Variants in RBM20 observed in about 807,000 individuals in gnomAD.
RBM20 encodes RNA binding motif protein 20.
RBM20 carries 51 observed loss-of-function variants against 110.1 expected under a neutral mutation model. That is an observed-to-expected ratio of 0.46 (90% CI 0.37 to 0.59). The LOEUF (loss-of-function observed/expected upper bound fraction) is 0.59, where lower values mean the gene tolerates loss of function less well. RBM20 is among the 20% of genes least tolerant of loss of function. The probability of loss-of-function intolerance (pLI) is 0.00; values close to 1 mark genes in which losing one functional copy is unlikely to be tolerated. For synonymous variants in RBM20, 589 were observed against 618.2 expected (o/e 0.95, Z 0.70); for missense variants, 1,512 against 1,574.9 (o/e 0.96, Z 0.68).
intron 1 of RBM20, among the ~76,000 whole-genome samples, chr10:110,735,253 C>A (rs1843658930): frequency 6.6e-6 from 1 of 152,132 alleles, no homozygotes; most frequent in African/African-American, 2.4e-5. Flanking sequence ...GAATTTGGTA[C>A]TATCCAAGGT....
intron 1 of RBM20, among the ~76,000 whole-genome samples, chr10:110,711,182 T>G (rs999523880): frequency 3.7e-5 from 3 of 81,680 alleles, no homozygotes; most frequent in African/African-American, 1.2e-4. Flanking sequence ...ATACAAAAAT[T>G]AGCTGGGCGT....
chr10:110,746,046 G>C (rs142486390), intron 1 of RBM20, among the ~76,000 whole-genome samples: 1 of 152,274 alleles, frequency 6.6e-6, no homozygotes, highest in Non-Finnish European at 1.5e-5. Flanking sequence ...GCCTTCAGCT[G>C]TTCTTGCCTG....
At chr10:110,702,115 CTCT>C (rs3027993) in intron 1 of RBM20, among the ~76,000 whole-genome samples, 26,781 of 152,202 alleles carry the variant, frequency 0.18, 2,496 homozygotes, top group East Asian at 0.32. Flanking sequence ...ATGTGCCCAC[CTCT>C]TCTTTCTGTT....
intron 1 of RBM20, among the ~76,000 whole-genome samples, chr10:110,665,887 G>A (rs1862168043): frequency 6.6e-6 from 1 of 151,650 alleles, no homozygotes; most frequent in African/African-American, 2.4e-5. Context: ...AGGCCAAGAT[G>A]GGCAGATCAC....
At chr10:110,813,289 T>C (rs1230919066) in intron 9 of RBM20, among the ~76,000 whole-genome samples, 2 of 152,182 alleles carry the variant, frequency 1.3e-5, no homozygotes, top group African/African-American at 4.8e-5. Context: ...TTGCCTTTAC[T>C]AGAAGTTAGG....
At chr10:110,796,512 G>T (rs1208814690) in intron 5 of RBM20, among the ~76,000 whole-genome samples, 1 of 152,164 alleles carries the variant, frequency 6.6e-6, no homozygotes, top group Non-Finnish European at 1.5e-5. Context: ...ATATCACCAA[G>T]GTGAGAGAAT....
chr10:110,835,340 T>TTTTTTTTTTTTC (rs1845111511), intron 13 of RBM20: 3 of 21,764 alleles, frequency 1.4e-4, no homozygotes, highest in Non-Finnish European at 5.1e-4. Context: ...TTTTTTTTTC[T>TTTTTTTTTTTTC]TTTTTTTTTT....
intron 1 of RBM20, among the ~76,000 whole-genome samples, chr10:110,767,691 G>C (rs1242178452): frequency 6.6e-6 from 1 of 152,036 alleles, no homozygotes; most frequent in Admixed American, 6.5e-5. Context: ...ATCCCAGACG[G>C]GGTGGCGGGG....
intron 4 of RBM20, 136 bp downstream of exon 4, chr10:110,784,568 C>A: frequency 1.3e-6 from 1 of 747,574 alleles, no homozygotes. Context: ...GATCCCAAGA[C>A]ACTAAAATGC....
intron 1 of RBM20, among the ~76,000 whole-genome samples, chr10:110,679,973 GC>G (rs1862398907): frequency 6.6e-6 from 1 of 152,340 alleles, no homozygotes; most frequent in East Asian, 1.9e-4. Flanking sequence ...GACTGACACT[GC>G]CCCTTTTAAC....
chr10:110,662,054 T>C (rs947232415), intron 1 of RBM20, among the ~76,000 whole-genome samples: 6 of 151,682 alleles, frequency 4.0e-5, no homozygotes, highest in African/African-American at 7.3e-5. Flanking sequence ...AGAGTCTATA[T>C]GCTGTCTAAT....
intron 7 of RBM20, among the ~76,000 whole-genome samples, chr10:110,803,482 C>A (rs1160692000): frequency 6.6e-6 from 1 of 152,134 alleles, no homozygotes; most frequent in Non-Finnish European, 1.5e-5. Flanking sequence ...CACTTTGATT[C>A]AGCATATCTA....
chr10:110,797,767 C>T (rs1844571006), intron 6 of RBM20, 119 bp downstream of exon 6: 1 of 1,068,332 alleles, frequency 9.4e-7, no homozygotes, highest in Admixed American at 2.5e-5. Context: ...CGTAGCTGGC[C>T]TTCTGTTGGC....
intron 1 of RBM20, among the ~76,000 whole-genome samples, chr10:110,654,735 AG>A (rs1223206323): frequency 2.0e-5 from 3 of 152,138 alleles, no homozygotes; most frequent in Non-Finnish European, 4.4e-5. Context: ...TGGGTGAAAA[AG>A]GTGGTGTGGA....
rs542578145 is a variant in RBM20, at chr10:110,780,525, A to G, written c.192-276A>G. On this transcript the variant is annotated intron_variant, in intron 1 of 13. Transcript: ENST00000369519. ...CGGAGTGCCATTTTAAAAAATTGCT[A>G]TTTTGCTAGGCAAATATTTGTTTTG... 5.3e-5 allele frequency among the ~76,000 whole-genome samples: 8 copies of G among 151,478 alleles called. No homozygotes were observed. In the South Asian group the frequency reaches 1.5e-3, roughly 28 times the overall value.
chr10:110,766,423 T>C, intron 1 of RBM20, among the ~76,000 whole-genome samples: 1 of 151,940 alleles, frequency 6.6e-6, no homozygotes, highest in East Asian at 1.9e-4. Context: ...GGTCAGCAGA[T>C]AAACAAGTGA....
intron 7 of RBM20, among the ~76,000 whole-genome samples, chr10:110,807,490 G>C (rs76138361): frequency 1.3e-5 from 2 of 152,202 alleles, no homozygotes; most frequent in African/African-American, 4.8e-5. Flanking sequence ...GCACCCCTGA[G>C]GGGAAGGGCC....
rs997329188 is a variant in RBM20, at chr10:110,835,930, G to A, written c.3636G>A (p.Arg1212=). The stretch of plus-strand genomic sequence containing the variant: ...AGACCGAGGGGGCAGATAGCCCGAG[G>A]CCAGAGGACAGCGGAATCGTGCCAC... ...LKETEGADSP[R]PEDSGIVPRF... Residue 1212 remains arginine (R), a synonymous_variant, in exon 14 of 14, where the codon AGG becomes AGA. Coordinates refer to ENST00000369519, the MANE Select transcript of RBM20 (RefSeq NM_001134363.3). 5.4e-6 allele frequency: 8 copies of A among 1,480,858 alleles called. No homozygotes were observed. Among genetic ancestry groups the A allele is most frequent in the Non-Finnish European group, 7.4e-6 (8 of 1,083,544 alleles). 91.7% of individuals were successfully genotyped at this position (1,480,858 alleles called of 1,614,324 possible). A position where few individuals can be genotyped will look rare whatever the true frequency, so the allele number is the denominator to read the frequency against.
chr10:110,652,648 AG>A (rs1288535946), intron 1 of RBM20, among the ~76,000 whole-genome samples: 2 of 152,158 alleles, frequency 1.3e-5, no homozygotes, highest in Non-Finnish European at 2.9e-5. Flanking sequence ...CTGTTTTTCT[AG>A]GTAAGACAAA....
Sources: gnomAD v4.1 joint callset for allele counts (sites outside exome capture counted in the v4.1 genomes callset) on GRCh38, gnomAD v4.1.1 for gene constraint, MANE v1.5 for transcripts, NCBI Gene and HGNC (gene_info 2026-07-23, HGNC 2026-07-21) for gene names.